Variants in RYR3 observed in about 807,000 individuals in gnomAD.
RYR3 encodes ryanodine receptor 3, also known as brain ryanodine receptor-calcium release channel.
In RYR3, 207 loss-of-function variants were observed where a neutral mutation model predicts 584.3. The ratio of observed to expected loss-of-function variants is 0.35; its 90% CI spans 0.32 to 0.40. The LOEUF (loss-of-function observed/expected upper bound fraction) is 0.40, where lower values mean the gene tolerates loss of function less well. Ranked by LOEUF, RYR3 falls within the 10% of genes least tolerant of loss-of-function variation. RYR3 has a pLI of 1.00. For missense variants in RYR3, 5,616 were observed against 6,089.2 expected, an observed-to-expected ratio of 0.92 and a Z score of 2.59; for synonymous variants, 2,416 against 2,248.5, an observed-to-expected ratio of 1.07 and a Z score of -2.11.
At position 33,731,621 on chromosome 15, in the gene RYR3, A is replaced by C. The variant is rs1192655218; in HGVS notation, c.7351A>C (p.Arg2451=). ...TGATTCCACACTGCAGACAATATAC[A>C]GGCTATCCAAGGGACGTTCCCTCAC... The part of the protein sequence containing the change: ...LIDSTLQTIY[R]LSKGRSLTKA... Residue 2451 remains arginine, a synonymous_variant, in exon 48 of 104, where the codon AGG becomes CGG. Coordinates refer to ENST00000634891, the MANE Select transcript of RYR3 (RefSeq NM_001036.6). 1 of 1,613,870 alleles carries C rather than the reference A, an allele frequency of 6.2e-7. No individual in the cohort carries two copies. The highest frequency in any genetic ancestry group is 8.5e-7 in the Non-Finnish European group (1 of 1,179,750).
chr15:33,705,403 G>C (rs1455931548), intron 42 of RYR3, among the ~76,000 whole-genome samples: 9 of 151,596 alleles, frequency 5.9e-5, no homozygotes, highest in Non-Finnish European at 1.3e-4. Context: ...TTATTGAACA[G>C]CTACTATGTG....
intron 77 of RYR3, 145 bp from the exon 78 acceptor site, chr15:33,820,611 A>G (rs1489201221): frequency 1.5e-6 from 1 of 650,780 alleles, no homozygotes; most frequent in African/African-American, 1.8e-5. Flanking sequence ...AGCAGTGGCC[A>G]AAATGTTCCT....
intron 3 of RYR3, among the ~76,000 whole-genome samples, chr15:33,508,791 A>T (rs2052706548): frequency 6.6e-6 from 1 of 152,098 alleles, no homozygotes. Context: ...AGTCCCATTA[A>T]CTCTGAAAGG....
intron 72 of RYR3, among the ~76,000 whole-genome samples, chr15:33,812,653 T>C (rs906812261): frequency 2.0e-4 from 30 of 151,658 alleles, no homozygotes; most frequent in Non-Finnish European, 7.4e-5. Flanking sequence ...AGATAGAAAA[T>C]ATGACAGAAG....
intron 102 of RYR3, 41 bp downstream of exon 102, chr15:33,861,219 G>GT: frequency 6.9e-7 from 1 of 1,449,514 alleles, no homozygotes; most frequent in Non-Finnish European, 9.5e-7. Context: ...CAGCTGTAGC[G>GT]TAAATAAAGC....
chr15:33,326,749 CA>C (rs1405201223), intron 1 of RYR3, among the ~76,000 whole-genome samples: 1 of 151,982 alleles, frequency 6.6e-6, no homozygotes, highest in Non-Finnish European at 1.5e-5. Flanking sequence ...AACTGGGGAG[CA>C]AATCAAGACA....
At chr15:33,604,937 G>A (rs1053166722) in intron 18 of RYR3, among the ~76,000 whole-genome samples, 1 of 152,158 alleles carries the variant, frequency 6.6e-6, no homozygotes, top group African/African-American at 2.4e-5. Flanking sequence ...AGACTGACTT[G>A]TAAAAATTGT....
chr15:33,758,529 A>C (rs1242269125), intron 60 of RYR3, among the ~76,000 whole-genome samples: 1 of 152,162 alleles, frequency 6.6e-6, no homozygotes, highest in Non-Finnish European at 1.5e-5. Context: ...GCTGCCAGGA[A>C]GTTCGAACTG....
Position 33,630,010 on chromosome 15 carries a change from A to T in RYR3, c.2750A>T (p.Asn917Ile), listed in dbSNP as rs372884897. 19 of 1,604,738 alleles carry T rather than the reference A, an allele frequency of 1.2e-5. No individual in the cohort carries two copies. In the African/African-American group the frequency reaches 2.3e-4, roughly 19 times the overall value. ...TCAAAGCTCCCAGAAACTGAGAAGA[A>T]CTATAACCTGCAAATGTCAACTGAA... ...EFSKLPETEK[N>I]YNLQMSTETL... The change falls in exon 22 of 104, where the codon AAC becomes ATC. Residue 917 changes from asparagine (N) to isoleucine (I), a missense_variant. Transcript: ENST00000634891.
chr15:33,858,470 G>C (rs34765558), intron 99 of RYR3: 1 of 141,550 alleles, frequency 7.1e-6, no homozygotes, highest in Non-Finnish European at 1.6e-5. Context: ...GCCTCCCAAA[G>C]TGCTGGGATT....
intron 43 of RYR3, among the ~76,000 whole-genome samples, chr15:33,713,291 G>GTGA (rs1567006450): frequency 6.6e-6 from 1 of 151,956 alleles, no homozygotes; most frequent in Non-Finnish European, 1.5e-5. Context: ...GTGATAGTGG[G>GTGA]TGATGAATGG....
intron 18 of RYR3, among the ~76,000 whole-genome samples, chr15:33,611,002 A>T (rs1259565666): frequency 6.6e-6 from 1 of 152,194 alleles, no homozygotes; most frequent in African/African-American, 2.4e-5. Context: ...CTCAACCTGA[A>T]CTAGACTAGC....
At chr15:33,345,373 G>A (rs1305584593) in intron 1 of RYR3, among the ~76,000 whole-genome samples, 1 of 152,004 alleles carries the variant, frequency 6.6e-6, no homozygotes, top group Non-Finnish European at 1.5e-5. Context: ...TTTGAAACAG[G>A]TTCTCCCTTT....
chr15:33,402,550 G>A lies in RYR3; in HGVS notation c.52-70869G>A, dbSNP rs904804877. 3.9e-5 allele frequency among the ~76,000 whole-genome samples: 6 copies of A among 152,338 alleles called. No individual in the cohort carries two copies. The East Asian group carries it at 1.2e-3, about 29-fold the overall frequency. ...TCTTTATTCATCAGTTTAATCTAGA[G>A]CACTATTTAGAGCTGATTTATGATG... On this transcript the variant is annotated intron_variant, in intron 1 of 103. Coordinates refer to ENST00000634891, the MANE Select transcript of RYR3 (RefSeq NM_001036.6).
At chr15:33,670,983 A>G (rs4444308) in intron 38 of RYR3, among the ~76,000 whole-genome samples, 120,662 of 152,060 alleles carry the variant, frequency 0.79, 49,568 homozygotes, top group East Asian at 0.92. Context: ...GAGAGTTTGT[A>G]AAGGATATAG....
intron 1 of RYR3, among the ~76,000 whole-genome samples, chr15:33,467,198 C>T (rs1450327665): frequency 6.6e-6 from 1 of 152,234 alleles, no homozygotes; most frequent in Non-Finnish European, 1.5e-5. Flanking sequence ...GGATTTTCCT[C>T]TGCAGTAATA....
chr15:33,426,201 C>A (rs1226706240), intron 1 of RYR3, among the ~76,000 whole-genome samples: 1 of 152,060 alleles, frequency 6.6e-6, no homozygotes, highest in Non-Finnish European at 1.5e-5. Context: ...ACAGGTGATG[C>A]AAAATAGAAA....
chr15:33,590,718 G>A (rs768353278), intron 16 of RYR3, among the ~76,000 whole-genome samples: 8 of 151,126 alleles, frequency 5.3e-5, no homozygotes, highest in Admixed American at 2.6e-4. Flanking sequence ...TTCGCAGACT[G>A]GAATTGGAGA....
chr15:33,378,481 T>G (rs2040916909), intron 1 of RYR3, among the ~76,000 whole-genome samples: 1 of 152,254 alleles, frequency 6.6e-6, no homozygotes, highest in African/African-American at 2.4e-5. Context: ...CTTGTTCATC[T>G]TTGTTGAGGC....
Sources: gnomAD v4.1 joint callset for allele counts (sites outside exome capture counted in the v4.1 genomes callset) on GRCh38, gnomAD v4.1.1 for gene constraint, MANE v1.5 for transcripts, NCBI Gene and HGNC (gene_info 2026-07-23, HGNC 2026-07-21) for gene names.